The following FAS variants were observed in gnomAD, a reference collection of about 807,000 sequenced individuals.
FAS encodes the protein tumor necrosis factor receptor superfamily member 6.
Under a neutral mutation model 33.2 loss-of-function variants are expected in FAS, and 5 were observed. That is an observed-to-expected ratio of 0.15 (90% CI 0.08 to 0.32). The LOEUF (loss-of-function observed/expected upper bound fraction) is 0.32. Ranked by LOEUF, FAS falls within the 10% of genes least tolerant of loss-of-function variation. The pLI, the probability that FAS is intolerant of heterozygous loss-of-function variation, is 1.00. For synonymous variants in FAS, 131 were observed against 130.7 expected (o/e 1.00, Z -0.01); for missense variants, 339 against 386.0 (o/e 0.88, Z 1.02).
chr10:88,996,827 A>C (rs9658697), intron 1 of FAS, among the ~76,000 whole-genome samples: 1,608 of 152,328 alleles, frequency 0.011, 29 homozygotes, highest in African/African-American at 0.034. Context: ...TAGTGGCCAC[A>C]GGCAGAGCTG....
chr10:89,002,784 T>C, intron 1 of FAS: 1 of 500,080 alleles, frequency 2.0e-6, no homozygotes, highest in Non-Finnish European at 3.6e-6. Flanking sequence ...CCTGTTCACC[T>C]TAGAACACCT....
In FAS at chr10:89,009,208, A is replaced by G. The variant is rs7911226; in HGVS notation, c.443+211A>G. Among the ~76,000 whole-genome samples the G allele has an allele frequency of 0.32, 48,693 of 152,160 alleles. 8,153 individuals carry two copies. The highest frequency in any genetic ancestry group is 0.47 in the East Asian group (2,438 of 5,172). ...GCCACTTAAGCTAAAGATATGAGCC[A>G]GACATATGCCTGGCATCAAGGTATC... On this transcript the variant is annotated intron_variant, in intron 4 of 8. Transcript: ENST00000652046.
At chr10:89,000,451 C>G (rs564879997) in intron 1 of FAS, among the ~76,000 whole-genome samples, 1 of 152,100 alleles carries the variant, frequency 6.6e-6, no homozygotes, top group South Asian at 2.1e-4. Flanking sequence ...TATTATACAA[C>G]AAACACATAT....
At position 89,014,478 on chromosome 10, in the gene FAS, G is replaced by T. The variant is rs367859151; in HGVS notation, c.*28G>T. Reference sequence around the variant, plus strand: ...TGAAAAACAACAAATTCAGTTCTGAGTATATGCAATTAGTGTTTGAAAAGA... The same window carrying T: ...TGAAAAACAACAAATTCAGTTCTGATTATATGCAATTAGTGTTTGAAAAGA... On this transcript the variant is annotated 3_prime_UTR_variant, in exon 9 of 9. Coordinates refer to ENST00000652046, the MANE Select transcript of FAS (RefSeq NM_000043.6). 14 of 1,590,318 alleles carry T rather than the reference G, an allele frequency of 8.8e-6. 1 individual carries two copies. In the African/African-American group the frequency reaches 9.4e-5, roughly 11 times the overall value.
Position 89,014,825 on chromosome 10 carries a change from TAGA to T in FAS, c.*381_*383del, listed in dbSNP as rs1202337320. The T allele has an allele frequency of 3.7e-6, 2 of 543,512 alleles. No homozygotes were observed. The highest frequency in any genetic ancestry group is 7.1e-6 in the Non-Finnish European group (2 of 283,232). 33.7% of individuals were successfully genotyped at this position (543,512 alleles called of 1,614,324 possible). A position where few individuals can be genotyped will look rare whatever the true frequency, so the allele number is the denominator to read the frequency against. ...AGGCTAACCCCACTCTATGAATCAATAGAAGAAGCTATGACCTTTTGCTGAAAT... is the reference window on the plus strand; with the variant it reads ...AGGCTAACCCCACTCTATGAATCAATAGAAGCTATGACCTTTTGCTGAAAT... On this transcript the variant is annotated 3_prime_UTR_variant, in exon 9 of 9. Coordinates refer to ENST00000652046, the MANE Select transcript of FAS (RefSeq NM_000043.6).
chr10:89,000,782 C>T (rs751851808), intron 1 of FAS, among the ~76,000 whole-genome samples: 2 of 152,208 alleles, frequency 1.3e-5, no homozygotes, highest in South Asian at 2.1e-4. Context: ...TGCGTTGGCT[C>T]ATGCCTGTAA....
intron 1 of FAS, among the ~76,000 whole-genome samples, chr10:88,972,871 T>C (rs1430229544): frequency 6.6e-6 from 1 of 152,240 alleles, no homozygotes; most frequent in Non-Finnish European, 1.5e-5. Flanking sequence ...CAGTGTCTAC[T>C]TAACTGAGAC....
At chr10:88,984,244 A>T (rs546136370), upstream of FAS, among the ~76,000 whole-genome samples, 2 of 152,348 alleles carry the variant, frequency 1.3e-5, no homozygotes, top group South Asian at 2.1e-4. Flanking sequence ...AAATAGTAGG[A>T]GCCAGTGCTG....
chr10:89,011,615 G>A (rs1487872335), intron 6 of FAS, among the ~76,000 whole-genome samples: 3 of 152,184 alleles, frequency 2.0e-5, no homozygotes, highest in East Asian at 1.9e-4. Flanking sequence ...AGTTATTTGT[G>A]TGTGTATTTC....
chr10:88,992,522 T>A (rs1365716573), intron 1 of FAS: 2 of 152,202 alleles, frequency 1.3e-5, no homozygotes, highest in Non-Finnish European at 2.9e-5. Context: ...AAGAAAACTT[T>A]GCTTTTCTGA....
intron 6 of FAS, 117 bp from the exon 7 acceptor site, chr10:89,011,882 A>C: frequency 1.0e-6 from 1 of 973,214 alleles, no homozygotes; most frequent in Non-Finnish European, 1.6e-6. Context: ...GGCCACTTTT[A>C]AGTTTCACTG....
chr10:89,010,724 T>C (rs375860813), intron 5 of FAS, 29 bp from the exon 6 acceptor site: 1 of 1,613,724 alleles, frequency 6.2e-7, no homozygotes, highest in African/African-American at 1.3e-5. Context: ...CTTATTTTCA[T>C]ATAAAATGTC....
At chr10:88,991,338 T>G in intron 1 of FAS, 1 of 320,306 alleles carries the variant, frequency 3.1e-6, no homozygotes, top group Non-Finnish European at 6.0e-6. Context: ...AAGCCAAAGG[T>G]CCGCTCCGGC....
intron 1 of FAS, among the ~76,000 whole-genome samples, chr10:88,966,470 TG>T (rs781253242): frequency 3.3e-5 from 5 of 152,194 alleles, no homozygotes; most frequent in Non-Finnish European, 7.3e-5. Flanking sequence ...TTTAATATCC[TG>T]TCTACCTCTA....
intron 2 of FAS, among the ~76,000 whole-genome samples, chr10:88,979,721 C>A (rs925543888): frequency 1.3e-5 from 2 of 151,998 alleles, no homozygotes; most frequent in African/African-American, 4.8e-5. Flanking sequence ...AAACTCAATT[C>A]GATCAGAAAA....
chr10:88,992,179 C>A (rs942589098), intron 1 of FAS, among the ~76,000 whole-genome samples: 2 of 152,056 alleles, frequency 1.3e-5, no homozygotes, highest in African/African-American at 2.4e-5. Context: ...CAGATTACAC[C>A]AAGAGGCTGA....
intron 2 of FAS, among the ~76,000 whole-genome samples, chr10:88,980,015 A>G (rs1053145425): frequency 1.3e-5 from 2 of 152,260 alleles, no homozygotes; most frequent in Non-Finnish European, 2.9e-5. Context: ...CAAAGTCTGT[A>G]GTTTCAGAAG....
upstream of FAS, chr10:88,990,429 A>C (rs1589438277): frequency 2.1e-6 from 1 of 481,662 alleles, no homozygotes; most frequent in Non-Finnish European, 4.0e-6. This position sits in a 1 kb window ranked among gnomAD's most constrained non-coding sequence, Gnocchi z 4.9. Flanking sequence ...CGAGGTCCTC[A>C]CCTGAAGTGA....
chr10:89,002,634 A>G (rs763595652), intron 1 of FAS: 95 of 271,210 alleles, frequency 3.5e-4, no homozygotes, highest in Non-Finnish European at 8.7e-5. Flanking sequence ...GTTCTGTGCT[A>G]ACAGCTTTAA....
Sources: gnomAD v4.1 joint callset for allele counts (sites outside exome capture counted in the v4.1 genomes callset) on GRCh38, gnomAD v4.1.1 for gene constraint, Gnocchi (gnomAD v3.1) non-coding constraint, MANE v1.5 for transcripts, NCBI Gene and HGNC (gene_info 2026-07-23, HGNC 2026-07-21) for gene names.